NELL1: variants seen among roughly 807,000 people sequenced by gnomAD.
NELL1 encodes the protein protein kinase C-binding protein NELL1.
Under a neutral mutation model 107.4 loss-of-function variants are expected in NELL1, and 76 were observed. The ratio of observed to expected loss-of-function variants is 0.71; its 90% CI spans 0.59 to 0.86. The LOEUF (loss-of-function observed/expected upper bound fraction) is 0.86. Among genes scored for constraint, NELL1 ranks in the 40% least tolerant of loss-of-function variants. The probability of loss-of-function intolerance (pLI) is 0.00; values close to 1 mark genes in which losing one functional copy is unlikely to be tolerated. For missense variants in NELL1, 1,024 were observed against 1,005.5 expected (o/e 1.02, Z -0.25); for synonymous variants, 353 against 341.2 (o/e 1.03, Z -0.38).
chr11:21,241,019 A>G (rs1480482707), intron 14 of NELL1, among the ~76,000 whole-genome samples: 4 of 152,084 alleles, frequency 2.6e-5, no homozygotes, highest in African/African-American at 9.7e-5. Flanking sequence ...TTTGTTAACC[A>G]TAATTGTCAC....
intron 2 of NELL1, among the ~76,000 whole-genome samples, chr11:20,727,195 T>A (rs1855527199): frequency 6.6e-6 from 1 of 152,244 alleles, no homozygotes; most frequent in South Asian, 2.1e-4. Flanking sequence ...ATGGTTGAAC[T>A]AGTTTACAGT....
At chr11:20,749,647 A>G (rs1406872216) in intron 2 of NELL1, among the ~76,000 whole-genome samples, 1 of 152,128 alleles carries the variant, frequency 6.6e-6, no homozygotes, top group Non-Finnish European at 1.5e-5. Flanking sequence ...TAATTAGCAT[A>G]CAATAAAATG....
chr11:20,944,370 G>A (rs980113556), intron 10 of NELL1, among the ~76,000 whole-genome samples: 2 of 152,082 alleles, frequency 1.3e-5, no homozygotes, highest in Non-Finnish European at 2.9e-5. Flanking sequence ...TCTCCTAGCA[G>A]TCTTATTAAT....
intron 2 of NELL1, among the ~76,000 whole-genome samples, chr11:20,743,181 C>T (rs60306301): frequency 0.19 from 28,928 of 151,876 alleles, 2,972 homozygotes; most frequent in South Asian, 0.28. Context: ...GGTGATCTCG[C>T]CATCTCCACT....
At chr11:20,947,506 A>G (rs897235684) in intron 11 of NELL1, 71 bp downstream of exon 11, 1 of 1,062,722 alleles carries the variant, frequency 9.4e-7, no homozygotes, top group Non-Finnish European at 1.5e-6. Flanking sequence ...TGAGATTTTA[A>G]TGAATAGTAT....
At chr11:21,019,391 G>A (rs1345654071) in intron 12 of NELL1, among the ~76,000 whole-genome samples, 1 of 152,054 alleles carries the variant, frequency 6.6e-6, no homozygotes, top group Non-Finnish European at 1.5e-5. Context: ...ACAAGTATAT[G>A]TGGCCCAAGA....
At chr11:21,261,391 A>G (rs915098657) in intron 14 of NELL1, among the ~76,000 whole-genome samples, 30 of 151,590 alleles carry the variant, frequency 2.0e-4, no homozygotes, top group African/African-American at 5.3e-4. Context: ...GTTCCCCTCT[A>G]CATGTCCTGT....
At chr11:21,015,567 G>C (rs967107464) in intron 12 of NELL1, among the ~76,000 whole-genome samples, 1 of 151,998 alleles carries the variant, frequency 6.6e-6, no homozygotes, top group African/African-American at 2.4e-5. Context: ...TTGCAGCTTT[G>C]TTTCCCCCTG....
chr11:21,411,447 C>T (rs1277282668), intron 15 of NELL1, among the ~76,000 whole-genome samples: 1 of 151,896 alleles, frequency 6.6e-6, no homozygotes, highest in Admixed American at 6.6e-5. Context: ...CTATCAATAA[C>T]AATAATGGCA....
chr11:21,043,243 T>C (rs1453008406), intron 12 of NELL1, among the ~76,000 whole-genome samples: 9 of 152,148 alleles, frequency 5.9e-5, no homozygotes, highest in Non-Finnish European at 1.3e-4. Context: ...GGCATCTGTG[T>C]TCATTGCAGG....
intron 12 of NELL1, among the ~76,000 whole-genome samples, chr11:21,052,861 G>A (rs1445957819): frequency 6.6e-6 from 1 of 152,106 alleles, no homozygotes; most frequent in Non-Finnish European, 1.5e-5. Context: ...GAGGGAGTGG[G>A]AGGTGGAGAT....
At chr11:20,690,155 G>T (rs1274489444) in intron 2 of NELL1, among the ~76,000 whole-genome samples, 3 of 151,986 alleles carry the variant, frequency 2.0e-5, no homozygotes, top group South Asian at 2.1e-4. Context: ...TGAATTTGTT[G>T]GAGTTCATTG....
intron 13 of NELL1, among the ~76,000 whole-genome samples, chr11:21,119,414 T>A (rs1855312975): frequency 6.6e-6 from 1 of 151,244 alleles, no homozygotes; most frequent in Admixed American, 6.6e-5. Context: ...ATTATATATA[T>A]GGGATAATAA....
intron 15 of NELL1, among the ~76,000 whole-genome samples, chr11:21,455,531 G>A (rs1468616798): frequency 6.6e-6 from 1 of 151,612 alleles, no homozygotes; most frequent in East Asian, 1.9e-4. Flanking sequence ...ACAGAGTTTA[G>A]CTATGTTTCT....
chr11:20,780,395 G>T (rs914843285), intron 2 of NELL1, among the ~76,000 whole-genome samples: 6 of 152,088 alleles, frequency 3.9e-5, no homozygotes, highest in Non-Finnish European at 7.4e-5. Context: ...AATATATATG[G>T]TTACTTGAAG....
At chr11:21,569,380 G>A (rs373016479) in intron 17 of NELL1, among the ~76,000 whole-genome samples, 67 of 151,898 alleles carry the variant, frequency 4.4e-4, no homozygotes, top group South Asian at 2.3e-3. Context: ...AAATTATCAG[G>A]ATTAAATGTG....
At chr11:20,961,126 G>A (rs527293915) in intron 12 of NELL1, among the ~76,000 whole-genome samples, 1 of 152,134 alleles carries the variant, frequency 6.6e-6, no homozygotes, top group Admixed American at 6.5e-5. Flanking sequence ...ATTACAGTGG[G>A]ATGGTGGCCT....
chr11:20,734,345 A>T (rs1855713395), intron 2 of NELL1, among the ~76,000 whole-genome samples: 1 of 152,160 alleles, frequency 6.6e-6, no homozygotes, highest in Admixed American at 6.6e-5. Flanking sequence ...ATGATCTATG[A>T]TTAGTATTTT....
intron 14 of NELL1, among the ~76,000 whole-genome samples, chr11:21,365,040 C>T (rs1851186417): frequency 6.6e-6 from 1 of 152,178 alleles, no homozygotes; most frequent in Non-Finnish European, 1.5e-5. Flanking sequence ...TCTTCCAGGC[C>T]CATCTCAAAT....
Sources: gnomAD v4.1 joint callset for allele counts (sites outside exome capture counted in the v4.1 genomes callset) on GRCh38, gnomAD v4.1.1 for gene constraint, MANE v1.5 for transcripts, NCBI Gene and HGNC (gene_info 2026-07-23, HGNC 2026-07-21) for gene names.